MEP1A: variants seen among roughly 807,000 people sequenced by gnomAD.
MEP1A encodes N-benzoyl-L-tyrosyl-P-amino-benzoic acid hydrolase subunit alpha.
In MEP1A, 68 loss-of-function variants were observed where a neutral mutation model predicts 84.5. The ratio of observed to expected loss-of-function variants is 0.80; its 90% confidence interval spans 0.66 to 0.98. The LOEUF is 0.98. MEP1A is among the 50% of genes least tolerant of loss of function. The pLI is 0.00. For missense variants in MEP1A, 887 were observed against 919.9 expected (o/e 0.96, Z 0.46); for synonymous variants, 337 against 336.8 (o/e 1.00, Z -0.01).
intron 5 of MEP1A, among the ~76,000 whole-genome samples, chr6:46,809,178 TG>T (rs1767431227): frequency 6.6e-6 from 1 of 152,128 alleles, no homozygotes; most frequent in African/African-American, 2.4e-5. Context: ...ATTCTTATTT[TG>T]TAGACATATT....
chr6:46,807,820 A>AAAGAAAGAAAGAAAGG (rs1562107103), intron 5 of MEP1A, among the ~76,000 whole-genome samples: 6 of 149,204 alleles, frequency 4.0e-5, no homozygotes, highest in African/African-American at 1.5e-4. Flanking sequence ...AGAAAGAAAG[A>AAAGAAAGAAAGAAAGG]AAGAAAGAAA....
At position 46,815,699 on chromosome 6, in the gene MEP1A, C is replaced by T. The variant is rs564876111; in HGVS notation, c.381-3830C>T. ...TCCCTACACTGCTCTGTCCAGGCAG[C>T]TGCAAGCTAATCCTGCCTCTCATCC... On this transcript the variant is annotated intron_variant, in intron 6 of 13. Transcript: ENST00000230588. Among the ~76,000 whole-genome samples the T allele has an allele frequency of 2.0e-5, 3 of 152,308 alleles. No individual in the cohort carries two copies. The South Asian group carries it at 6.2e-4, about 32-fold the overall frequency.
intron 5 of MEP1A, among the ~76,000 whole-genome samples, chr6:46,805,325 A>G (rs1019537545): frequency 5.3e-5 from 8 of 151,904 alleles, no homozygotes; most frequent in East Asian, 1.9e-4. Flanking sequence ...GGTGTTGTCA[A>G]TTTTTAAAGT....
At position 46,839,295 on chromosome 6, in the gene MEP1A, A is replaced by G; in HGVS notation, c.*159A>G. On this transcript the variant is annotated 3_prime_UTR_variant, in exon 14 of 14. Transcript: ENST00000230588. ...GTGACCCTTGTCATCTCTCTGCCCC[A>G]CATAATTCTGTTACTTTGCTATGTG... is the stretch of plus-strand genomic sequence containing the variant. 2 of 572,790 alleles carry G rather than the reference A, an allele frequency of 3.5e-6. No homozygotes were observed. Among genetic ancestry groups the G allele is most frequent in the Non-Finnish European group, 6.0e-6 (2 of 331,838 alleles). The allele number at this position is 572,790 out of a possible 1,614,324, so 35.5% of individuals were successfully genotyped here.
At chr6:46,826,923 G>A (rs182513977) in intron 9 of MEP1A, among the ~76,000 whole-genome samples, 1 of 152,142 alleles carries the variant, frequency 6.6e-6, no homozygotes, top group African/African-American at 2.4e-5. Context: ...GAAATTAATT[G>A]TAATAATGTA....
At chr6:46,796,059 C>G (rs1413385213) in intron 3 of MEP1A, among the ~76,000 whole-genome samples, 1 of 152,132 alleles carries the variant, frequency 6.6e-6, no homozygotes, top group African/African-American at 2.4e-5. Context: ...TTCCAGCCAC[C>G]CTGACTGCAC....
intron 5 of MEP1A, among the ~76,000 whole-genome samples, chr6:46,806,049 C>G (rs993590968): frequency 5.9e-5 from 9 of 151,962 alleles, no homozygotes; most frequent in Non-Finnish European, 1.3e-4. Flanking sequence ...ATAGAATTTT[C>G]ATTGGGTTCT....
At chr6:46,810,859 TG>T (rs1767481149) in intron 6 of MEP1A, among the ~76,000 whole-genome samples, 1 of 152,142 alleles carries the variant, frequency 6.6e-6, no homozygotes, top group Non-Finnish European at 1.5e-5. Context: ...TTCCTGTTTT[TG>T]GTGACTATGG....
At chr6:46,840,216 CAA>C (rs1768308494), downstream of MEP1A, among the ~76,000 whole-genome samples, 1 of 152,126 alleles carries the variant, frequency 6.6e-6, no homozygotes, top group South Asian at 2.1e-4. Context: ...GAGAGATTAA[CAA>C]GAGTTTCTTT....
the MEP1A span, among the ~76,000 whole-genome samples, chr6:46,845,666 A>G: frequency 7.2e-5 from 11 of 152,314 alleles, no homozygotes; most frequent in South Asian, 2.1e-4. Flanking sequence ...GGACCTCATA[A>G]ATTTCTCTCC....
At chr6:46,837,980 C>T (rs767963754) in intron 13 of MEP1A, among the ~76,000 whole-genome samples, 11 of 151,802 alleles carry the variant, frequency 7.2e-5, no homozygotes, top group Non-Finnish European at 1.5e-4. Context: ...CAACTTCCAC[C>T]CCCCGGGTTC....
chr6:46,799,332 A>T (rs1042142659), intron 5 of MEP1A, 151 bp downstream of exon 5: 1 of 620,072 alleles, frequency 1.6e-6, no homozygotes, highest in Non-Finnish European at 2.9e-6. Flanking sequence ...GAAAGACATA[A>T]CATTACATCA....
At chr6:46,807,528 G>GAAAGAAA (rs1767358225) in intron 5 of MEP1A, among the ~76,000 whole-genome samples, 2 of 30,756 alleles carry the variant, frequency 6.5e-5, no homozygotes, top group Non-Finnish European at 1.2e-4. Flanking sequence ...AAGAAAGAAA[G>GAAAGAAA]AAAGAAAGAA....
chr6:46,840,616 T>C (rs1251067905), downstream of MEP1A, among the ~76,000 whole-genome samples: 1 of 152,198 alleles, frequency 6.6e-6, no homozygotes, highest in African/African-American at 2.4e-5. Flanking sequence ...TAAATTTTAG[T>C]AAGAAATCAT....
chr6:46,798,296 TC>T (rs1347736787), intron 3 of MEP1A, among the ~76,000 whole-genome samples: 1 of 152,130 alleles, frequency 6.6e-6, no homozygotes, highest in Non-Finnish European at 1.5e-5. Flanking sequence ...ATCCTCCTTA[TC>T]AGTGCTGCAT....
chr6:46,798,552 C>A, intron 3 of MEP1A, 54 bp from the exon 4 acceptor site: 1 of 1,393,112 alleles, frequency 7.2e-7, no homozygotes, highest in East Asian at 2.3e-5. Flanking sequence ...CGAAAGATGC[C>A]TTTTAATAAT....
intron 5 of MEP1A, among the ~76,000 whole-genome samples, chr6:46,805,900 C>A (rs1767306468): frequency 6.6e-6 from 1 of 151,960 alleles, no homozygotes; most frequent in African/African-American, 2.4e-5. Context: ...CTGCACATAT[C>A]TTAGACTGGG....
intron 6 of MEP1A, among the ~76,000 whole-genome samples, chr6:46,813,302 A>G (rs954836086): frequency 6.6e-6 from 1 of 152,202 alleles, no homozygotes; most frequent in Non-Finnish European, 1.5e-5. Context: ...CATGAAATCA[A>G]GACGGAAATA....
At chr6:46,817,313 G>A (rs3778481) in intron 6 of MEP1A, among the ~76,000 whole-genome samples, 38,815 of 152,082 alleles carry the variant, frequency 0.26, 5,099 homozygotes, top group South Asian at 0.33. Context: ...TGGGGATGAG[G>A]TAGGAGAGTA....
Sources: gnomAD v4.1 joint callset for allele counts (sites outside exome capture counted in the v4.1 genomes callset) on GRCh38, gnomAD v4.1.1 for gene constraint, MANE v1.5 for transcripts, NCBI Gene and HGNC (gene_info 2026-07-23, HGNC 2026-07-21) for gene names.